KCNH7: variants seen among roughly 807,000 people sequenced by gnomAD.
KCNH7 encodes the protein voltage-gated inwardly rectifying potassium channel KCNH7.
Under a neutral mutation model 120.8 loss-of-function variants are expected in KCNH7, and 49 were observed. The observed-to-expected ratio is 0.41, with a 90% CI of 0.32 to 0.51. The LOEUF (loss-of-function observed/expected upper bound fraction) is 0.51. KCNH7 is among the 20% of genes least tolerant of loss of function. The probability of loss-of-function intolerance (pLI) is 0.38; values close to 1 mark genes in which losing one functional copy is unlikely to be tolerated. For missense variants in KCNH7, 1,097 were observed against 1,446.6 expected, an observed-to-expected ratio of 0.76 and a Z score of 3.92; for synonymous variants, 547 against 516.1, an observed-to-expected ratio of 1.06 and a Z score of -0.81.
intron 14 of KCNH7, 56 bp downstream of exon 14, chr2:162,379,797 C>T (rs1009884855): frequency 6.5e-7 from 1 of 1,548,112 alleles, no homozygotes; most frequent in Non-Finnish European, 8.8e-7. Flanking sequence ...AGGAGTAAAA[C>T]TGGACCCATG....
At chr2:162,832,440 AAAG>A (rs1222292949) in intron 2 of KCNH7, among the ~76,000 whole-genome samples, 1 of 152,158 alleles carries the variant, frequency 6.6e-6, no homozygotes. Flanking sequence ...ACAATGGTGA[AAAG>A]AAGATACACA....
At chr2:162,692,315 C>T (rs751537693) in intron 2 of KCNH7, among the ~76,000 whole-genome samples, 1 of 151,858 alleles carries the variant, frequency 6.6e-6, no homozygotes, top group Non-Finnish European at 1.5e-5. Context: ...TTAGTAGAGA[C>T]GGGGTTTCAC....
intron 2 of KCNH7, among the ~76,000 whole-genome samples, chr2:162,603,491 T>C (rs1694629346): frequency 6.6e-6 from 1 of 152,050 alleles, no homozygotes; most frequent in African/African-American, 2.4e-5. Flanking sequence ...GTGCAAAAAG[T>C]GGTTGTGAGA....
chr2:162,605,353 G>T (rs1682708813), intron 2 of KCNH7, among the ~76,000 whole-genome samples: 1 of 152,114 alleles, frequency 6.6e-6, no homozygotes, highest in Non-Finnish European at 1.5e-5. Context: ...TGTTAGGCTA[G>T]AGTTCACCTT....
chr2:162,600,278 T>C (rs550100300), intron 2 of KCNH7, among the ~76,000 whole-genome samples: 3 of 152,178 alleles, frequency 2.0e-5, no homozygotes, highest in South Asian at 2.1e-4. Context: ...GGAAAATAAA[T>C]AGGGAGCTCA....
intron 2 of KCNH7, among the ~76,000 whole-genome samples, chr2:162,798,921 T>G (rs544628496): frequency 6.6e-6 from 1 of 152,132 alleles, no homozygotes; most frequent in African/African-American, 2.4e-5. Flanking sequence ...ATTACAAATC[T>G]GCTGCAAAAG....
At chr2:162,476,495 A>C (rs1016157833) in intron 6 of KCNH7, among the ~76,000 whole-genome samples, 5 of 152,210 alleles carry the variant, frequency 3.3e-5, no homozygotes, top group African/African-American at 1.2e-4. Flanking sequence ...ATTTTAATGT[A>C]ACATATTTAA....
chr2:162,375,531 T>C (rs1235912875), intron 14 of KCNH7, among the ~76,000 whole-genome samples: 1 of 152,168 alleles, frequency 6.6e-6, no homozygotes, highest in Non-Finnish European at 1.5e-5. Flanking sequence ...TTGTTAGATA[T>C]CTTGGGTAGT....
intron 2 of KCNH7, among the ~76,000 whole-genome samples, chr2:162,591,220 T>A (rs924554756): frequency 2.6e-5 from 4 of 152,066 alleles, no homozygotes; most frequent in Admixed American, 6.6e-5. Flanking sequence ...CTATACCACA[T>A]TTCTTTTATT....
intron 9 of KCNH7, among the ~76,000 whole-genome samples, chr2:162,409,171 T>C (rs1687315362): frequency 6.6e-6 from 1 of 151,500 alleles, no homozygotes; most frequent in Non-Finnish European, 1.5e-5. Context: ...TCAAATAGAA[T>C]ATATAAATCT....
chr2:162,561,069 A>G (rs1023500400), intron 2 of KCNH7, among the ~76,000 whole-genome samples: 5 of 149,802 alleles, frequency 3.3e-5, no homozygotes, highest in Admixed American at 2.7e-4. Context: ...TTTTTTTACT[A>G]TCTGGAAATG....
rs1686542140 is a variant in KCNH7 at position 162,385,320 on chromosome 2, T to C, written c.2711-381A>G. 2.6e-5 allele frequency among the ~76,000 whole-genome samples: 4 copies of C among 152,038 alleles called. No homozygotes were observed. The South Asian group carries it at 8.3e-4, about 31-fold the overall frequency. On this transcript the variant is annotated intron_variant, in intron 12 of 15. Transcript: ENST00000332142. ...AATATCACCACTATGCAACTTGCTATTTGTTTATTTTTAATCTACATGCCC... is the reference window on the plus strand; with the variant it reads ...AATATCACCACTATGCAACTTGCTACTTGTTTATTTTTAATCTACATGCCC...
chr2:162,705,591 G>A (rs1450957665), intron 2 of KCNH7, among the ~76,000 whole-genome samples: 4 of 152,032 alleles, frequency 2.6e-5, no homozygotes, highest in African/African-American at 9.7e-5. Context: ...ATGCAAATGT[G>A]TTAAGCTGGT....
intron 9 of KCNH7, among the ~76,000 whole-genome samples, chr2:162,418,500 A>G (rs188830136): frequency 6.6e-6 from 1 of 152,296 alleles, no homozygotes; most frequent in East Asian, 1.9e-4. Context: ...TATTGTCACA[A>G]GAATTGTTTT....
In KCNH7 at chr2:162,773,455, T is replaced by C. The variant is rs971194011; in HGVS notation, c.307+63082A>G. Among the ~76,000 whole-genome samples, 52 of 152,168 alleles carry C rather than the reference T, an allele frequency of 3.4e-4. 1 individual carries two copies. The highest frequency in any genetic ancestry group is 4.4e-5 in the Non-Finnish European group (3 of 68,040). On this transcript the variant is annotated intron_variant, in intron 2 of 15. Coordinates refer to ENST00000332142, the MANE Select transcript of KCNH7 (RefSeq NM_033272.4). ...GTGAGCCGAGATCACGCCGCTGCAC[T>C]CCAGCCTCCTCGGCAACAGAGTGAG...
chr2:162,499,240 A>G (rs1051431487), intron 6 of KCNH7, among the ~76,000 whole-genome samples: 2 of 152,126 alleles, frequency 1.3e-5, no homozygotes, highest in Non-Finnish European at 2.9e-5. Flanking sequence ...ACTTTTATTT[A>G]AAAGGGGGCA....
At chr2:162,606,691 T>C (rs939082417) in intron 2 of KCNH7, among the ~76,000 whole-genome samples, 7 of 152,146 alleles carry the variant, frequency 4.6e-5, no homozygotes, top group African/African-American at 1.7e-4. Context: ...TAAACAGTGT[T>C]CAGCCTTATA....
chr2:162,385,195 A>G (rs546462788), intron 12 of KCNH7, among the ~76,000 whole-genome samples: 70 of 152,086 alleles, frequency 4.6e-4, no homozygotes, highest in African/African-American at 1.6e-3. Context: ...GATAACTTAC[A>G]AACTTGTTTA....
At chr2:162,719,783 TAAAC>T (rs1687259596) in intron 2 of KCNH7, among the ~76,000 whole-genome samples, 1 of 151,836 alleles carries the variant, frequency 6.6e-6, no homozygotes, top group Non-Finnish European at 1.5e-5. Flanking sequence ...AACAAACAAA[TAAAC>T]AAAATAACCT....
Sources: gnomAD v4.1 joint callset for allele counts (sites outside exome capture counted in the v4.1 genomes callset) on GRCh38, gnomAD v4.1.1 for gene constraint, MANE v1.5 for transcripts, NCBI Gene and HGNC (gene_info 2026-07-23, HGNC 2026-07-21) for gene names.